The following LINGO2 variants were observed in gnomAD, a reference collection of about 807,000 sequenced individuals.
LINGO2 encodes the protein leucine-rich repeat and immunoglobulin-like domain-containing nogo receptor-interacting protein 2.
LINGO2 carries 14 observed loss-of-function variants against 30.6 expected under a neutral mutation model. The ratio of observed to expected loss-of-function variants is 0.46; its 90% CI spans 0.30 to 0.72. The LOEUF (loss-of-function observed/expected upper bound fraction) is 0.72. LINGO2 is among the 30% of genes least tolerant of loss of function. LINGO2 has a pLI of 0.07. For missense variants in LINGO2, 729 were observed against 751.7 expected (o/e 0.97, Z 0.35); for synonymous variants, 317 against 288.5 (o/e 1.10, Z -1.00).
In LINGO2 at chr9:28,148,059, G is replaced by A. The variant is rs762451331; in HGVS notation, c.-86-135654C>T. ...TGGCCATGCCATTGGCAACCTGCTC[G>A]TCTTGTCCATGAGGCCTTCCCAGCT... On this transcript the variant is annotated intron_variant, in intron 4 of 5. Transcript: ENST00000379992. This position sits in a 1 kb window ranked among gnomAD's most constrained non-coding sequence, Gnocchi z 5.1. 6.6e-5 allele frequency among the ~76,000 whole-genome samples: 10 copies of A among 152,306 alleles called. No homozygotes were observed. Among genetic ancestry groups the A allele is most frequent in the Middle Eastern group, 3.4e-3 (1 of 294 alleles).
chr9:28,340,938 T>C (rs1387640552), intron 3 of LINGO2, among the ~76,000 whole-genome samples: 2 of 152,130 alleles, frequency 1.3e-5, no homozygotes, highest in African/African-American at 4.8e-5. Flanking sequence ...AAGAGCACAG[T>C]GTATCTTTTC....
At chr9:28,858,970 CG>C in the LINGO2 span, among the ~76,000 whole-genome samples, 2 of 55,580 alleles carry the variant, frequency 3.6e-5, no homozygotes, top group South Asian at 1.5e-3. Flanking sequence ...GCAGGCAGAT[CG>C]TTATGTCATA....
Position 28,027,952 on chromosome 9 carries a change from TAA to T in LINGO2, c.-86-15549_-86-15548del, listed in dbSNP as rs149490410. Among the ~76,000 whole-genome samples, 771 of 152,238 alleles carry T rather than the reference TAA, an allele frequency of 5.1e-3. 7 individuals carry two copies. Among genetic ancestry groups the T allele is most frequent in the African/African-American group, 0.017 (700 of 41,532 alleles). ...ATAGGAGTGGTGGGCCATATCCAAT[TAA>T]AGAGGAAATCAAACTTAAAGAACAT... On this transcript the variant is annotated intron_variant, in intron 4 of 5. Transcript: ENST00000379992.
chr9:27,951,502 A>G (rs1028908517), intron 5 of LINGO2, among the ~76,000 whole-genome samples: 17 of 152,340 alleles, frequency 1.1e-4, no homozygotes, highest in African/African-American at 4.1e-4. Context: ...TTTCAGAAAA[A>G]GTATCATTTA....
At chr9:28,881,624 T>C in the LINGO2 span, among the ~76,000 whole-genome samples, 1 of 151,366 alleles carries the variant, frequency 6.6e-6, no homozygotes, top group Admixed American at 6.6e-5. Flanking sequence ...ATGTACGGTA[T>C]GGTTTCATTG....
the LINGO2 span, among the ~76,000 whole-genome samples, chr9:28,937,247 G>A: frequency 1.5e-5 from 2 of 133,636 alleles, no homozygotes; most frequent in Admixed American, 1.5e-4. Context: ...ACTCCAAGAT[G>A]AAAGTGTATC....
the LINGO2 span, among the ~76,000 whole-genome samples, chr9:29,132,361 G>C: frequency 1.3e-5 from 2 of 152,082 alleles, no homozygotes; most frequent in African/African-American, 4.8e-5. Flanking sequence ...CTGTGTAGCA[G>C]ATGAAAAATG....
rs1821431145 is a variant in LINGO2, at chr9:28,233,105, T to TG, written c.-87+62102dup. 2.8e-5 allele frequency among the ~76,000 whole-genome samples: 4 copies of TG among 144,684 alleles called. No individual in the cohort carries two copies. The South Asian group carries it at 8.7e-4, about 31-fold the overall frequency. The allele number at this position is 144,684 out of a possible 152,430, so 94.9% of individuals were successfully genotyped here. On this transcript the variant is annotated intron_variant, in intron 4 of 5. Coordinates refer to ENST00000379992, the Ensembl canonical transcript of LINGO2. ...ACAGTAAACATTTTAAATATATGTG[T>TG]GTGGGGGGGTCTATGTGTGTGTGTA...
At chr9:28,582,763 A>G (rs1342634234) in intron 1 of LINGO2, among the ~76,000 whole-genome samples, 1 of 152,096 alleles carries the variant, frequency 6.6e-6, no homozygotes, top group Non-Finnish European at 1.5e-5. Flanking sequence ...ACAGTCAATG[A>G]AAAGTTTGCA....
intron 1 of LINGO2, among the ~76,000 whole-genome samples, chr9:28,603,462 T>A (rs1280467084): frequency 6.6e-6 from 1 of 152,046 alleles, no homozygotes; most frequent in Non-Finnish European, 1.5e-5. Flanking sequence ...ATCATAGTGG[T>A]TTCTGAACTG....
At chr9:28,751,287 TCAAAAAAAAAAA>T in the LINGO2 span, among the ~76,000 whole-genome samples, 1 of 3,168 alleles carries the variant, frequency 3.2e-4, no homozygotes, top group Admixed American at 7.6e-3. Context: ...CAAGATCCAG[TCAAAAAAAAAAA>T]AAAAAAAAAA....
intron 1 of LINGO2, among the ~76,000 whole-genome samples, chr9:28,642,800 C>G (rs4463513): frequency 0.37 from 55,909 of 151,876 alleles, 11,517 homozygotes; most frequent in African/African-American, 0.54. Context: ...ACAGAACAAA[C>G]AGCTGGTGTG....
At chr9:28,690,371 A>G in the LINGO2 span, among the ~76,000 whole-genome samples, 118 of 152,254 alleles carry the variant, frequency 7.8e-4, no homozygotes, top group Non-Finnish European at 1.4e-3. Flanking sequence ...AAATTGTGAG[A>G]TAAAAATGCA....
At chr9:27,989,714 T>A (rs1358282081) in intron 5 of LINGO2, among the ~76,000 whole-genome samples, 3 of 151,988 alleles carry the variant, frequency 2.0e-5, no homozygotes, top group African/African-American at 7.2e-5. Flanking sequence ...TGCTACACAC[T>A]TTAACGCATT....
chr9:28,562,529 T>C (rs1238741954), intron 1 of LINGO2, among the ~76,000 whole-genome samples: 1 of 148,586 alleles, frequency 6.7e-6, no homozygotes, highest in Non-Finnish European at 1.5e-5. Flanking sequence ...GGAAAGTATA[T>C]GTTTCCTTCA....
chr9:27,954,402 G>A (rs1471625689), intron 5 of LINGO2, among the ~76,000 whole-genome samples: 1 of 152,072 alleles, frequency 6.6e-6, no homozygotes, highest in Non-Finnish European at 1.5e-5. Context: ...CAACCTCCAT[G>A]CTCTCAATGT....
chr9:28,971,642 G>C, the LINGO2 span, among the ~76,000 whole-genome samples: 1 of 152,200 alleles, frequency 6.6e-6, no homozygotes, highest in East Asian at 1.9e-4. Context: ...TAGAACACCA[G>C]GTAGACTTCT....
chr9:29,076,444 A>G, the LINGO2 span, among the ~76,000 whole-genome samples: 1 of 151,670 alleles, frequency 6.6e-6, no homozygotes, highest in Non-Finnish European at 1.5e-5. Context: ...GAGAAAATAT[A>G]AAAACTGAAA....
the LINGO2 span, among the ~76,000 whole-genome samples, chr9:28,918,579 G>A: frequency 6.6e-6 from 1 of 152,134 alleles, no homozygotes; most frequent in Non-Finnish European, 1.5e-5. Flanking sequence ...AGGGATTGTA[G>A]AACACAAAGC....
Sources: gnomAD v4.1 joint callset for allele counts (sites outside exome capture counted in the v4.1 genomes callset) on GRCh38, gnomAD v4.1.1 for gene constraint, Gnocchi (gnomAD v3.1) non-coding constraint, MANE v1.5 for transcripts, NCBI Gene and HGNC (gene_info 2026-07-23, HGNC 2026-07-21) for gene names.